DAPK2: variants seen among roughly 807,000 people sequenced by gnomAD.
DAPK2 encodes the protein death associated protein kinase 2.
In DAPK2, 35 loss-of-function variants were observed where a neutral mutation model predicts 44.1. The observed-to-expected ratio is 0.79, with a 90% CI of 0.61 to 1.05. The LOEUF is 1.05. DAPK2 is among the 50% of genes least tolerant of loss of function. DAPK2 has a pLI of 0.00. For synonymous variants in DAPK2, 174 were observed against 182.6 expected, an observed-to-expected ratio of 0.95 and a Z score of 0.38; for missense variants, 453 against 483.2, an observed-to-expected ratio of 0.94 and a Z score of 0.59.
chr15:63,935,186 G>C (rs1322804609), intron 4 of DAPK2, among the ~76,000 whole-genome samples: 4 of 151,208 alleles, frequency 2.6e-5, no homozygotes, highest in Non-Finnish European at 5.9e-5. Context: ...TGCCTCCTGG[G>C]TTGAAGTGAT....
At chr15:63,962,556 T>C (rs545827917) in intron 3 of DAPK2, among the ~76,000 whole-genome samples, 183 of 152,352 alleles carry the variant, frequency 1.2e-3, no homozygotes, top group African/African-American at 4.0e-3. Flanking sequence ...TGTTTGTTAG[T>C]TTTCCTTCTA....
At chr15:63,920,868 C>T (rs569777037) in intron 8 of DAPK2, 1 of 152,446 alleles carries the variant, frequency 6.6e-6, no homozygotes, top group Non-Finnish European at 1.5e-5. Flanking sequence ...ACCTTCCACA[C>T]CGCCTCTCAT....
Position 64,013,016 on chromosome 15 carries a change from A to T in DAPK2, c.92+27154T>A, listed in dbSNP as rs1051572409. Among the ~76,000 whole-genome samples, 5 of 152,234 alleles carry T rather than the reference A, an allele frequency of 3.3e-5. No homozygotes were observed. Among genetic ancestry groups the T allele is most frequent in the African/African-American group, 1.2e-4 (5 of 41,452 alleles). ...TATCTTCGATATGATCATAATGTCA[A>T]ACAGACAAGAAAGAATTCACAGAAG... On this transcript the variant is annotated intron_variant, in intron 1 of 10. Coordinates refer to ENST00000261891, the Ensembl canonical transcript of DAPK2. This position sits in a 1 kb window ranked among gnomAD's most constrained non-coding sequence, Gnocchi z 4.7.
chr15:63,948,451 G>A (rs2077507554), intron 3 of DAPK2, among the ~76,000 whole-genome samples: 1 of 151,854 alleles, frequency 6.6e-6, no homozygotes, highest in Non-Finnish European at 1.5e-5. Flanking sequence ...AGGAGAGAGA[G>A]GGGAGGTGCC....
upstream of DAPK2, among the ~76,000 whole-genome samples, chr15:64,041,075 A>G (rs1290221635): frequency 6.6e-6 from 1 of 152,126 alleles, no homozygotes; most frequent in Admixed American, 6.6e-5. Context: ...AAACTAGAAA[A>G]TGCTGTTAAA....
chr15:64,001,623 C>G (rs1036224918), intron 1 of DAPK2, among the ~76,000 whole-genome samples: 1 of 152,148 alleles, frequency 6.6e-6, no homozygotes, highest in Non-Finnish European at 1.5e-5. Context: ...GAGCCCCGGG[C>G]TGTACTTCCC....
chr15:63,933,029 T>A (rs2077017634), intron 4 of DAPK2, among the ~76,000 whole-genome samples: 1 of 151,320 alleles, frequency 6.6e-6, no homozygotes, highest in South Asian at 2.1e-4. Flanking sequence ...TGCTATGAAC[T>A]TTTTTTTTGC....
At chr15:64,011,799 A>C (rs1005510244) in intron 1 of DAPK2, among the ~76,000 whole-genome samples, 1 of 152,246 alleles carries the variant, frequency 6.6e-6, no homozygotes, top group Non-Finnish European at 1.5e-5. Context: ...CATGAAATGC[A>C]AGTCCTTGAG....
In DAPK2 at chr15:63,978,086, GA is replaced by G. The variant is rs199701991; in HGVS notation, c.314+5446del. 5.9e-5 allele frequency among the ~76,000 whole-genome samples: 9 copies of G among 152,254 alleles called. No homozygotes were observed. The East Asian group carries it at 1.7e-3, about 29-fold the overall frequency. On this transcript the variant is annotated intron_variant, in intron 2 of 10. Coordinates refer to ENST00000261891, the Ensembl canonical transcript of DAPK2. ...CTAGTGCAAGAAAGACATTCAATCA[GA>G]AGTTTGGTGAATAAAAGAAGAAAGA...
chr15:63,983,657 G>GCCGGCTCGC (rs2078592684), exon 2 of DAPK2: 1 of 1,613,978 alleles, frequency 6.2e-7, no homozygotes, highest in Non-Finnish European at 8.5e-7. Flanking sequence ...CTCACACCGC[G>GCCGGCTCGC]CCGGCTCGCC....
At position 63,948,270 on chromosome 15, in the gene DAPK2, C is replaced by CAAAAAAAAAAAA. The variant is rs3056984; in HGVS notation, c.454-8921_454-8910dup. ...TGCATGATGGAGTGAGACTCCATCT[C>CAAAAAAAAAAAA]AAAAAAAAAAAAAAAAAAAAAAAAA... On this transcript the variant is annotated intron_variant, in intron 3 of 10. Transcript: ENST00000261891. Among the ~76,000 whole-genome samples the CAAAAAAAAAAAA allele has an allele frequency of 8.5e-4, 44 of 51,914 alleles. 4 individuals carry two copies. Among genetic ancestry groups the CAAAAAAAAAAAA allele is most frequent in the South Asian group, 1.6e-3 (1 of 624 alleles). The allele number at this position is 51,914 out of a possible 152,430, so 34.1% of individuals were successfully genotyped here.
In DAPK2 at chr15:63,939,890, C is replaced by T. The variant is rs2077262435; in HGVS notation, c.454-529G>A. Among the ~76,000 whole-genome samples, 1 of 152,354 alleles carries T rather than the reference C, an allele frequency of 6.6e-6. No homozygotes were observed. The highest frequency in any genetic ancestry group is 2.1e-4 in the South Asian group (1 of 4,822). ...CCCCTCCTCTAGACTCACTGTGTAG[C>T]CCACACTTCTCTCTGCGTTTAACTA... On this transcript the variant is annotated intron_variant, in intron 3 of 10. Coordinates refer to ENST00000261891, the Ensembl canonical transcript of DAPK2. This position sits in a 1 kb window ranked among gnomAD's most constrained non-coding sequence, Gnocchi z 4.3.
In DAPK2 at chr15:63,980,967, G is replaced by A. The variant is rs890382306; in HGVS notation, c.314+2566C>T. On this transcript the variant is annotated intron_variant, in intron 2 of 10. Coordinates refer to ENST00000261891, the Ensembl canonical transcript of DAPK2. The surrounding 1 kb of genome is among the most constrained non-coding windows in gnomAD (Gnocchi z 4.3). ...TAGCTGGGTGTGGTGGTGGGTGCCTGTAATTCCAGCTACTTGGGAGGCTGA... is the reference window on the plus strand; with the variant it reads ...TAGCTGGGTGTGGTGGTGGGTGCCTATAATTCCAGCTACTTGGGAGGCTGA... Among the ~76,000 whole-genome samples, 3 of 152,066 alleles carry A rather than the reference G, an allele frequency of 2.0e-5. No homozygotes were observed. In the South Asian group the frequency reaches 6.2e-4, roughly 32 times the overall value.
chr15:64,035,568 C>G (rs1010625667), intron 1 of DAPK2, among the ~76,000 whole-genome samples: 1 of 152,202 alleles, frequency 6.6e-6, no homozygotes, highest in Non-Finnish European at 1.5e-5. Context: ...GGTTCTATCA[C>G]CAGTTCACCT....
chr15:63,927,836 C>A (rs561176843), intron 6 of DAPK2, among the ~76,000 whole-genome samples: 1 of 151,740 alleles, frequency 6.6e-6, no homozygotes, highest in Non-Finnish European at 1.5e-5. Flanking sequence ...TGGGCTCAAG[C>A]GATCCTCCAG....
chr15:63,951,988 TCAGTACTTTG>T (rs1391573800), intron 3 of DAPK2, among the ~76,000 whole-genome samples: 6 of 152,116 alleles, frequency 3.9e-5, no homozygotes, highest in African/African-American at 1.4e-4. Flanking sequence ...GCCTGTAATC[TCAGTACTTTG>T]GTAGGCTGAG....
chr15:63,935,472 C>T (rs933618054), intron 4 of DAPK2: 3 of 152,162 alleles, frequency 2.0e-5, no homozygotes, highest in Non-Finnish European at 2.9e-5. Context: ...AGATAATATT[C>T]CACTGGATAC....
At chr15:64,006,393 T>G (rs2079230851) in intron 1 of DAPK2, among the ~76,000 whole-genome samples, 2 of 152,110 alleles carry the variant, frequency 1.3e-5, no homozygotes, top group Admixed American at 6.5e-5. Flanking sequence ...AAATGACTTT[T>G]TTCTCCTTAT....
At chr15:63,943,967 A>G (rs1267930429) in intron 3 of DAPK2, among the ~76,000 whole-genome samples, 1 of 152,142 alleles carries the variant, frequency 6.6e-6, no homozygotes, top group East Asian at 1.9e-4. Context: ...CCTGGCTCAG[A>G]CACAGCTGTT....
Sources: allele counts gnomAD v4.1 joint callset (sites outside exome capture counted in the v4.1 genomes callset), GRCh38; gene constraint gnomAD v4.1.1; non-coding constraint Gnocchi (gnomAD v3.1); transcripts MANE v1.5; gene names NCBI Gene and HGNC (gene_info 2026-07-23, HGNC 2026-07-21).